The following ANTXR1 variants were observed in gnomAD, a reference collection of about 807,000 sequenced individuals.
The protein encoded by ANTXR1 is ANTXR cell adhesion molecule 1, also known as anthrax toxin receptor 1.
In ANTXR1, 19 loss-of-function variants were observed where a neutral mutation model predicts 78.1. The observed-to-expected ratio is 0.24, with a 90% confidence interval of 0.17 to 0.36. The LOEUF (loss-of-function observed/expected upper bound fraction) is 0.36. Among genes scored for constraint, ANTXR1 ranks in the 10% least tolerant of loss-of-function variants. The pLI is 1.00. For synonymous variants in ANTXR1, 273 were observed against 260.5 expected (o/e 1.05, Z -0.46); for missense variants, 518 against 718.6 (o/e 0.72, Z 3.19).
rs193132059 is a variant in ANTXR1, at chr2:69,067,223, G to A, written c.297-3424G>A. On this transcript the variant is annotated intron_variant, in intron 3 of 17. Transcript: ENST00000303714. ...AATGGGGAGGTTGTGATCACCACTC[G>A]CAACTAGTGAGTTCATATCTTGCCA... is the stretch of plus-strand genomic sequence containing the variant. Among the ~76,000 whole-genome samples, 1,081 of 150,750 alleles carry A rather than the reference G, an allele frequency of 7.2e-3. 12 individuals are homozygous for A. The highest frequency in any genetic ancestry group is 0.011 in the Non-Finnish European group (721 of 67,908).
intron 12 of ANTXR1, chr2:69,135,066 A>G (rs1672870984): frequency 2.5e-6 from 1 of 406,350 alleles, no homozygotes; most frequent in Non-Finnish European, 5.1e-6. Flanking sequence ...TGCGGAACTC[A>G]GATCTCAAAT....
Position 69,182,634 on chromosome 2 carries a change from C to G in ANTXR1, c.1327C>G (p.Pro443Ala), listed in dbSNP as rs371076100. The change falls in exon 16 of 18, where the codon CCC becomes GCC. Residue 443 changes from proline (P) to alanine (A), a missense_variant. Physicochemically the swap from Pro to Ala is conservative, Grantham distance 27 (BLOSUM62 -1). Coordinates refer to ENST00000303714, the MANE Select transcript of ANTXR1 (RefSeq NM_032208.3). ...LNNNMRRPSS[P>A]RKWYSPIKGK... ...CAACAATATGCGTCGGCCTTCTTCC[C>G]CCCGGAAGTGGTACTCTCCAATCAA... 7 of 1,613,988 alleles carry G rather than the reference C, an allele frequency of 4.3e-6. No homozygotes were observed. The East Asian group carries it at 1.6e-4, about 36-fold the overall frequency.
intron 17 of ANTXR1, among the ~76,000 whole-genome samples, chr2:69,238,401 AT>A (rs1177371551): frequency 6.6e-6 from 1 of 152,216 alleles, no homozygotes; most frequent in Non-Finnish European, 1.5e-5. Context: ...CTTAAAACCC[AT>A]TTGTCAAAAG....
intron 10 of ANTXR1, among the ~76,000 whole-genome samples, chr2:69,120,396 T>A (rs776132478): frequency 6.6e-6 from 1 of 152,192 alleles, no homozygotes; most frequent in African/African-American, 2.4e-5. Context: ...CCGGGTGCGG[T>A]GGCTCACGCC....
At position 69,098,563 on chromosome 2, in the gene ANTXR1, A is replaced by G. The variant is rs137921055; in HGVS notation, c.704-4279A>G. On this transcript the variant is annotated intron_variant, in intron 9 of 17. Coordinates refer to ENST00000303714, the MANE Select transcript of ANTXR1 (RefSeq NM_032208.3). ...TATGTGTTCCACATTTCCAAAAAGA[A>G]AAAAGGAAACCAAAGAAATAAAAGG... Among the ~76,000 whole-genome samples the G allele has an allele frequency of 5.0e-3, 758 of 152,368 alleles. 8 individuals carry two copies. The highest frequency in any genetic ancestry group is 0.017 in the African/African-American group (706 of 41,584).
rs143860018 is a variant in ANTXR1 at position 69,183,548 on chromosome 2, C to T, written c.1353+888C>T. Among the ~76,000 whole-genome samples, 493 of 151,108 alleles carry T rather than the reference C, an allele frequency of 3.3e-3. 6 individuals carry two copies. The highest frequency in any genetic ancestry group is 0.011 in the African/African-American group (446 of 41,158). On this transcript the variant is annotated intron_variant, in intron 16 of 17. Transcript: ENST00000303714. ...CCCCAAGTAGCTGGGACTACGGGCACGCACCACCACACCCAGCTAATTTTT... is the reference window on the plus strand; with the variant it reads ...CCCCAAGTAGCTGGGACTACGGGCATGCACCACCACACCCAGCTAATTTTT...
chr2:69,216,434 C>T (rs76771692), intron 17 of ANTXR1, among the ~76,000 whole-genome samples: 6,113 of 152,152 alleles, frequency 0.04, 432 homozygotes, highest in African/African-American at 0.14. Flanking sequence ...TACATATACA[C>T]ACATACATAT....
chr2:69,049,128 A>C (rs1236087983), intron 3 of ANTXR1, among the ~76,000 whole-genome samples: 1 of 152,030 alleles, frequency 6.6e-6, no homozygotes, highest in Non-Finnish European at 1.5e-5. Flanking sequence ...TTTGTGATCC[A>C]TGGGCTTCTA....
chr2:69,196,096 C>T (rs917451760), intron 17 of ANTXR1, among the ~76,000 whole-genome samples: 1 of 152,174 alleles, frequency 6.6e-6, no homozygotes, highest in East Asian at 1.9e-4. Context: ...ATGGAACTTC[C>T]TCTAATGAAT....
At chr2:69,076,028 G>A (rs1031333931) in intron 7 of ANTXR1, among the ~76,000 whole-genome samples, 10 of 152,238 alleles carry the variant, frequency 6.6e-5, no homozygotes, top group South Asian at 2.1e-4. Flanking sequence ...CCACTGCAGC[G>A]TCTGCCTCCC....
intron 12 of ANTXR1, among the ~76,000 whole-genome samples, chr2:69,142,497 TA>T (rs1673096467): frequency 2.0e-5 from 3 of 152,314 alleles, no homozygotes; most frequent in Admixed American, 1.3e-4. Context: ...TATGATAAAA[TA>T]AGAGCACAAA....
At chr2:69,042,645 C>A (rs576279520) in intron 2 of ANTXR1, among the ~76,000 whole-genome samples, 1 of 152,162 alleles carries the variant, frequency 6.6e-6, no homozygotes, top group South Asian at 2.1e-4. Flanking sequence ...CCCTATTTCT[C>A]TACTAGTTTC....
At chr2:69,242,204 T>C (rs1675911927) in intron 17 of ANTXR1, among the ~76,000 whole-genome samples, 1 of 152,096 alleles carries the variant, frequency 6.6e-6, no homozygotes, top group African/African-American at 2.4e-5. Context: ...TCTCCATCCC[T>C]CTGCTGCTCT....
intron 17 of ANTXR1, 34 bp from the exon 18 acceptor site, chr2:69,245,191 C>G (rs371494291): frequency 1.2e-6 from 2 of 1,613,598 alleles, no homozygotes; most frequent in East Asian, 2.2e-5. Flanking sequence ...TGAGGCCGTC[C>G]GCTCACGTTT....
At chr2:69,089,330 T>C (rs1206067836) in intron 8 of ANTXR1, among the ~76,000 whole-genome samples, 1 of 152,248 alleles carries the variant, frequency 6.6e-6, no homozygotes, top group East Asian at 1.9e-4. Context: ...GTTCATTTTC[T>C]TTCGCAATGC....
intron 1 of ANTXR1, among the ~76,000 whole-genome samples, chr2:69,033,197 C>T (rs1381090407): frequency 6.6e-6 from 1 of 152,200 alleles, no homozygotes; most frequent in Non-Finnish European, 1.5e-5. Context: ...AAGTACAGTG[C>T]TCAGTGACTA....
At chr2:69,029,576 G>T (rs1039395567) in intron 1 of ANTXR1, among the ~76,000 whole-genome samples, 2 of 151,330 alleles carry the variant, frequency 1.3e-5, no homozygotes, top group African/African-American at 2.4e-5. Context: ...AAAAAAATAG[G>T]CTCAACAAAA....
In ANTXR1 at chr2:69,146,084, G is replaced by A. The variant is rs115349922; in HGVS notation, c.952-6085G>A. The A allele has an allele frequency of 5.9e-4, 583 of 985,458 alleles. 3 individuals are homozygous for A. Among genetic ancestry groups the A allele is most frequent in the Middle Eastern group, 3.7e-3 (7 of 1,914 alleles). 61.0% of individuals were successfully genotyped at this position (985,458 alleles called of 1,614,324 possible). ...GCCTTCAGAGAATGTCATCCCTAATGACACATGCCCGAATGAAGGAGCGGG... is the reference window on the plus strand; with the variant it reads ...GCCTTCAGAGAATGTCATCCCTAATAACACATGCCCGAATGAAGGAGCGGG... On this transcript the variant is annotated intron_variant, in intron 12 of 17. Coordinates refer to ENST00000303714, the MANE Select transcript of ANTXR1 (RefSeq NM_032208.3).
In ANTXR1 at chr2:69,204,847, G is replaced by A. The variant is rs868106323; in HGVS notation, c.1434+11432G>A. ...CATACCCATTGATATCCTCCCACATGGGGCTGCTCTCCTGCACAGGATGCT... is the reference window on the plus strand; with the variant it reads ...CATACCCATTGATATCCTCCCACATAGGGCTGCTCTCCTGCACAGGATGCT... On this transcript the variant is annotated intron_variant, in intron 17 of 17. Transcript: ENST00000303714. Among the ~76,000 whole-genome samples the A allele has an allele frequency of 5.3e-5, 8 of 152,154 alleles. No homozygotes were observed. The South Asian group carries it at 1.5e-3, about 28-fold the overall frequency.
Sources: allele counts gnomAD v4.1 joint callset (sites outside exome capture counted in the v4.1 genomes callset), GRCh38; gene constraint gnomAD v4.1.1; transcripts MANE v1.5; gene names NCBI Gene and HGNC (gene_info 2026-07-23, HGNC 2026-07-21).